The following DNAH11 variants were observed in gnomAD, a reference collection of about 807,000 sequenced individuals.
DNAH11 encodes dynein axonemal heavy chain 11.
Under a neutral mutation model 526.0 loss-of-function variants are expected in DNAH11, and 442 were observed. The ratio of observed to expected loss-of-function variants is 0.84; its 90% CI spans 0.78 to 0.91. DNAH11 has a LOEUF of 0.91. DNAH11 is among the 40% of genes least tolerant of loss of function. The probability of loss-of-function intolerance (pLI) is 0.00; values close to 1 mark genes in which losing one functional copy is unlikely to be tolerated. For synonymous variants in DNAH11, 2,461 were observed against 1,935.9 expected (o/e 1.27, Z -7.12); for missense variants, 6,989 against 5,448.7 (o/e 1.28, Z -8.90).
At chr7:21,580,502 A>G (rs1025572672) in intron 8 of DNAH11, among the ~76,000 whole-genome samples, 3 of 152,232 alleles carry the variant, frequency 2.0e-5, no homozygotes, top group East Asian at 1.9e-4. Flanking sequence ...TTAGGTTGCT[A>G]TAACAAAACA....
intron 74 of DNAH11, among the ~76,000 whole-genome samples, chr7:21,876,591 A>G (rs1056861432): frequency 1.3e-5 from 2 of 152,264 alleles, no homozygotes; most frequent in African/African-American, 4.8e-5. Context: ...TGAGAGTTTT[A>G]CAGATAGTCC....
chr7:21,761,478 T>C (rs10950870), intron 54 of DNAH11, among the ~76,000 whole-genome samples: 45,853 of 152,090 alleles, frequency 0.3, 7,555 homozygotes, highest in East Asian at 0.46. Flanking sequence ...TGCAAAAACA[T>C]TAGAAAAGTC....
At position 21,630,931 on chromosome 7, in the gene DNAH11, T is replaced by C. The variant is rs1258357207; in HGVS notation, c.4501-4940T>C. Among the ~76,000 whole-genome samples, 8 of 152,352 alleles carry C rather than the reference T, an allele frequency of 5.3e-5. No individual in the cohort carries two copies. The South Asian group carries it at 1.7e-3, about 32-fold the overall frequency. ...AATCTTCACTGCTTTTCATTCTTTTTTCTCTTAAATTTGTTAAGACTTGTT... is the reference window on the plus strand; with the variant it reads ...AATCTTCACTGCTTTTCATTCTTTTCTCTCTTAAATTTGTTAAGACTTGTT... On this transcript the variant is annotated intron_variant, in intron 25 of 81. Coordinates refer to ENST00000409508, the MANE Select transcript of DNAH11 (RefSeq NM_001277115.2).
At chr7:21,885,320 G>A (rs1448236017) in intron 76 of DNAH11, among the ~76,000 whole-genome samples, 3 of 149,402 alleles carry the variant, frequency 2.0e-5, no homozygotes, top group African/African-American at 4.9e-5. Flanking sequence ...ATGCTCCAGG[G>A]TGAACCTGGA....
intron 61 of DNAH11, among the ~76,000 whole-genome samples, chr7:21,793,325 A>G (rs1156653934): frequency 6.6e-6 from 1 of 152,204 alleles, no homozygotes. Context: ...GCTGATGAAA[A>G]GAATTTGTCA....
intron 28 of DNAH11, among the ~76,000 whole-genome samples, chr7:21,650,040 C>A (rs1787556323): frequency 6.6e-6 from 1 of 152,024 alleles, no homozygotes; most frequent in Non-Finnish European, 1.5e-5. Flanking sequence ...GTTGTACACA[C>A]ATGATTTTTT....
At chr7:21,834,105 A>G (rs1179858957) in intron 65 of DNAH11, among the ~76,000 whole-genome samples, 1 of 152,222 alleles carries the variant, frequency 6.6e-6, no homozygotes, top group Non-Finnish European at 1.5e-5. Flanking sequence ...GTTATGCCAC[A>G]AAACAAGTCC....
chr7:21,644,248 C>A (rs1279342965), intron 28 of DNAH11, among the ~76,000 whole-genome samples: 1 of 152,030 alleles, frequency 6.6e-6, no homozygotes, highest in Admixed American at 6.6e-5. Flanking sequence ...ATATCTAGAC[C>A]CCACATTCCC....
At chr7:21,816,059 A>G (rs1428490985) in intron 63 of DNAH11, among the ~76,000 whole-genome samples, 1 of 152,122 alleles carries the variant, frequency 6.6e-6, no homozygotes, top group Non-Finnish European at 1.5e-5. Context: ...TAGAAAAAAA[A>G]TGAAGTGCCT....
chr7:21,795,815 G>T (rs1163455656), intron 61 of DNAH11, among the ~76,000 whole-genome samples: 3 of 152,240 alleles, frequency 2.0e-5, no homozygotes, highest in Non-Finnish European at 4.4e-5. Context: ...GGAGCACAAA[G>T]AATGGAGTTG....
chr7:21,721,653 C>T (rs557842671), intron 44 of DNAH11, among the ~76,000 whole-genome samples: 16 of 152,224 alleles, frequency 1.1e-4, no homozygotes, highest in African/African-American at 3.9e-4. Context: ...ACACTAATCC[C>T]ATCATGAGGA....
At chr7:21,624,696 G>T (rs1786248274) in intron 25 of DNAH11, among the ~76,000 whole-genome samples, 1 of 152,098 alleles carries the variant, frequency 6.6e-6, no homozygotes, top group Non-Finnish European at 1.5e-5. Context: ...TTCATGTTCA[G>T]CCTTTATTGT....
At position 21,901,148 on chromosome 7, in the gene DNAH11, G is replaced by C. The variant is rs191791959; in HGVS notation, c.13445G>C (p.Arg4482Thr). The C allele has an allele frequency of 1.9e-6, 3 of 1,613,012 alleles. No homozygotes were observed. The highest frequency in any genetic ancestry group is 1.3e-5 in the African/African-American group (1 of 74,878). Residue 4482 changes from arginine to threonine, a missense_variant, in exon 82 of 82, where the codon AGA (arginine) becomes ACA (threonine). Arg to Thr is a moderately conservative substitution (Grantham distance 71). Transcript: ENST00000409508. ...CAGACCTACGAGTGCCCTGTGTATA[G>C]AACCAAACTGAGAGGCCCCAGCTAC... Reference protein sequence around the residue: ...TKQTYECPVYRTKLRGPSYIW... With the variant: ...TKQTYECPVYTTKLRGPSYIW...
intron 77 of DNAH11, among the ~76,000 whole-genome samples, chr7:21,892,904 T>A (rs1042543195): frequency 5.3e-5 from 8 of 152,292 alleles, no homozygotes; most frequent in African/African-American, 1.7e-4. Context: ...TCATCACAGA[T>A]TAGCTTTACC....
chr7:21,603,945 A>G (rs1785187745), intron 18 of DNAH11, among the ~76,000 whole-genome samples: 1 of 152,200 alleles, frequency 6.6e-6, no homozygotes, highest in Non-Finnish European at 1.5e-5. Context: ...ACATTTCAAA[A>G]GCAGAATACA....
Position 21,616,747 on chromosome 7 carries a change from G to C in DNAH11, c.4095+455G>C, listed in dbSNP as rs78763787. 4.8e-3 allele frequency among the ~76,000 whole-genome samples: 724 copies of C among 152,206 alleles called. 4 individuals carry two copies. The highest frequency in any genetic ancestry group is 8.1e-3 in the South Asian group (39 of 4,818). ...ATCTTTGTTCTTATTAATGACTCTG[G>C]TATCCCAAGGGGGCTCAACATATAC... On this transcript the variant is annotated intron_variant, in intron 22 of 81. Coordinates refer to ENST00000409508, the MANE Select transcript of DNAH11 (RefSeq NM_001277115.2).
chr7:21,722,814 A>G (rs1326877214), intron 44 of DNAH11, among the ~76,000 whole-genome samples: 2 of 151,122 alleles, frequency 1.3e-5, no homozygotes, highest in Non-Finnish European at 2.9e-5. Flanking sequence ...CTTCTCCACC[A>G]GGTATTTCTT....
At chr7:21,706,075 A>G (rs1272791803) in intron 39 of DNAH11, among the ~76,000 whole-genome samples, 1 of 152,152 alleles carries the variant, frequency 6.6e-6, no homozygotes, top group Non-Finnish European at 1.5e-5. Context: ...ATAACCCTCT[A>G]TATGGCCAAA....
chr7:21,827,688 A>G (rs1583744385), intron 65 of DNAH11, among the ~76,000 whole-genome samples: 1 of 151,850 alleles, frequency 6.6e-6, no homozygotes, highest in African/African-American at 2.4e-5. Context: ...ATGGCATTTT[A>G]TATTTATTTA....
Sources: allele counts gnomAD v4.1 joint callset (sites outside exome capture counted in the v4.1 genomes callset), GRCh38; gene constraint gnomAD v4.1.1; transcripts MANE v1.5; gene names NCBI Gene and HGNC (gene_info 2026-07-23, HGNC 2026-07-21).